The following C12orf75 variants were observed in gnomAD, a reference collection of about 807,000 sequenced individuals.
C12orf75 encodes chromosome 12 open reading frame 75, also known as overexpressed in colon carcinoma 1 protein.
In C12orf75, 4 loss-of-function variants were observed where a neutral mutation model predicts 11.4. The observed-to-expected ratio is 0.35, with a 90% CI of 0.17 to 0.80. The LOEUF (loss-of-function observed/expected upper bound fraction) is 0.80, where lower values mean the gene tolerates loss of function less well. Ranked by LOEUF, C12orf75 falls within the 30% of genes least tolerant of loss-of-function variation. C12orf75 has a pLI of 0.52. For synonymous variants in C12orf75, 30 were observed against 30.0 expected (o/e 1.00, Z 0.00); for missense variants, 89 against 80.4 (o/e 1.11, Z -0.41).
At chr12:105,352,460 A>G (rs537852724) in intron 2 of C12orf75, among the ~76,000 whole-genome samples, 1 of 152,334 alleles carries the variant, frequency 6.6e-6, no homozygotes, top group African/African-American at 2.4e-5. Flanking sequence ...AAAGTACAGG[A>G]AAGTATTTTT....
At position 105,340,163 on chromosome 12, in the gene C12orf75, C is replaced by T. The variant is rs956384153; in HGVS notation, c.47-8439C>T. 3.3e-5 allele frequency among the ~76,000 whole-genome samples: 5 copies of T among 152,040 alleles called. No individual in the cohort carries two copies. The East Asian group carries it at 5.9e-4, about 18-fold the overall frequency. ...AATGCAGGTGGGGCGTGGTGGCTCA[C>T]GCCTGTAATCCCAGCACTTTGGGAG... On this transcript the variant is annotated intron_variant, in intron 1 of 5. Transcript: ENST00000443585.
rs552583103 is a variant in C12orf75 at position 105,341,364 on chromosome 12, T to G, written c.47-7238T>G. Among the ~76,000 whole-genome samples the G allele has an allele frequency of 4.6e-5, 7 of 152,282 alleles. No homozygotes were observed. In the South Asian group the frequency reaches 1.5e-3, roughly 32 times the overall value. ...GACACCAAGTGTCCTGCAATTCAAT[T>G]CAATTCTAACACTACCTGGAGTTAG... On this transcript the variant is annotated intron_variant, in intron 1 of 5. Transcript: ENST00000443585.
intron 1 of C12orf75, among the ~76,000 whole-genome samples, chr12:105,339,271 T>C (rs1283289106): frequency 6.6e-6 from 1 of 152,156 alleles, no homozygotes; most frequent in African/African-American, 2.4e-5. Context: ...GACTGTTTCT[T>C]TTCTAAAACA....
chr12:105,359,759 A>G (rs1049435193), intron 2 of C12orf75, among the ~76,000 whole-genome samples: 5 of 148,810 alleles, frequency 3.4e-5, no homozygotes, highest in African/African-American at 1.2e-4. Flanking sequence ...CAAAAGAGCC[A>G]GACTCCTTCT....
At chr12:105,369,566 C>A (rs1044467203) in intron 5 of C12orf75, among the ~76,000 whole-genome samples, 9 of 152,090 alleles carry the variant, frequency 5.9e-5, no homozygotes, top group Non-Finnish European at 1.3e-4. Flanking sequence ...AGGTTTTAAG[C>A]CGCACATGTA....
intron 2 of C12orf75, among the ~76,000 whole-genome samples, chr12:105,357,513 T>G (rs747680216): frequency 6.6e-6 from 1 of 152,134 alleles, no homozygotes; most frequent in African/African-American, 2.4e-5. Context: ...CCAAAAGACG[T>G]TGAAAGTGGG....
intron 1 of C12orf75, among the ~76,000 whole-genome samples, chr12:105,345,264 G>A (rs1892623784): frequency 6.6e-6 from 1 of 152,052 alleles, no homozygotes; most frequent in Non-Finnish European, 1.5e-5. Flanking sequence ...TGAGGTGATT[G>A]GATTGCCTCT....
intron 1 of C12orf75, among the ~76,000 whole-genome samples, chr12:105,344,892 T>C (rs1437066455): frequency 6.6e-6 from 1 of 152,162 alleles, no homozygotes; most frequent in Admixed American, 6.5e-5. Context: ...TCTTTATCCT[T>C]TTCCACAAAA....
intron 1 of C12orf75, among the ~76,000 whole-genome samples, chr12:105,337,004 G>T (rs1227681998): frequency 6.6e-6 from 1 of 152,084 alleles, no homozygotes; most frequent in African/African-American, 2.4e-5. Flanking sequence ...CAGCCTGGTA[G>T]GTTCTTTTTG....
chr12:105,364,956 T>C (rs1164705266), intron 2 of C12orf75, among the ~76,000 whole-genome samples: 3 of 150,484 alleles, frequency 2.0e-5, no homozygotes, highest in Non-Finnish European at 4.4e-5. Flanking sequence ...TTCCTGTGCC[T>C]CAGCCTCTTG....
intron 1 of C12orf75, among the ~76,000 whole-genome samples, chr12:105,333,543 A>G (rs1892463436): frequency 6.6e-6 from 1 of 152,130 alleles, no homozygotes; most frequent in African/African-American, 2.4e-5. Flanking sequence ...AAATGTACAA[A>G]GAGATTGTAG....
At chr12:105,361,747 G>T (rs1229977387) in intron 2 of C12orf75, among the ~76,000 whole-genome samples, 1 of 152,182 alleles carries the variant, frequency 6.6e-6, no homozygotes, top group Admixed American at 6.5e-5. Flanking sequence ...GTAGGATGCT[G>T]TGTCCCTTTG....
At chr12:105,343,591 G>A (rs1405994117) in intron 1 of C12orf75, among the ~76,000 whole-genome samples, 1 of 152,184 alleles carries the variant, frequency 6.6e-6, no homozygotes, top group East Asian at 1.9e-4. Flanking sequence ...AAAGGTTGCA[G>A]TGAGGGTAAT....
chr12:105,359,368 C>G (rs1566141279), intron 2 of C12orf75, among the ~76,000 whole-genome samples: 2 of 152,044 alleles, frequency 1.3e-5, no homozygotes, highest in African/African-American at 4.8e-5. Flanking sequence ...TCTTGTTGCC[C>G]CTAAGTTGCT....
At chr12:105,360,331 A>G (rs1227140187) in intron 2 of C12orf75, among the ~76,000 whole-genome samples, 2 of 152,254 alleles carry the variant, frequency 1.3e-5, no homozygotes, top group African/African-American at 4.8e-5. Context: ...CCAGAAAAGA[A>G]AATAATCACA....
chr12:105,369,058 G>A (rs923175003), intron 5 of C12orf75, among the ~76,000 whole-genome samples: 2 of 152,214 alleles, frequency 1.3e-5, no homozygotes, highest in Non-Finnish European at 2.9e-5. Context: ...CCTGGAAACA[G>A]AATGTATTTC....
At chr12:105,354,557 T>C in intron 2 of C12orf75, among the ~76,000 whole-genome samples, 1 of 152,164 alleles carries the variant, frequency 6.6e-6, no homozygotes, top group East Asian at 1.9e-4. Flanking sequence ...ATTATGCTTG[T>C]TGCCCCCGGT....
chr12:105,368,370 T>C (rs1871537903), intron 5 of C12orf75, among the ~76,000 whole-genome samples: 1 of 152,216 alleles, frequency 6.6e-6, no homozygotes, highest in Admixed American at 6.5e-5. Context: ...GCCTGTTCTA[T>C]TCTGGAAGTC....
chr12:105,348,418 C>CAAAAAAAAAA (rs35593271), intron 1 of C12orf75, among the ~76,000 whole-genome samples, 184 bp from the exon 2 acceptor site: 1 of 116,112 alleles, frequency 8.6e-6, no homozygotes, highest in Admixed American at 8.9e-5. Flanking sequence ...GTATCTGAAA[C>CAAAAAAAAAA]AAAAAAAAAA....
Sources: allele counts gnomAD v4.1 joint callset (sites outside exome capture counted in the v4.1 genomes callset), GRCh38; gene constraint gnomAD v4.1.1; transcripts MANE v1.5; gene names NCBI Gene and HGNC (gene_info 2026-07-23, HGNC 2026-07-21).